The following KLHL26 variants were observed in gnomAD, a reference collection of about 807,000 sequenced individuals.
KLHL26 encodes kelch-like protein 26.
In KLHL26, 4 loss-of-function variants were observed where a neutral mutation model predicts 7.1. The observed-to-expected ratio is 0.56, with a 90% CI of 0.28 to 1.28. The LOEUF (loss-of-function observed/expected upper bound fraction) is 1.28. Among genes scored for constraint, KLHL26 ranks in the 50% most tolerant of loss-of-function variants. The pLI, the probability that KLHL26 is intolerant of heterozygous loss-of-function variation, is 0.11. For synonymous variants in KLHL26, 465 were observed against 414.1 expected, an observed-to-expected ratio of 1.12 and a Z score of -1.49; for missense variants, 896 against 924.6, an observed-to-expected ratio of 0.97 and a Z score of 0.40.
chr19:18,650,699 C>T lies in KLHL26; in HGVS notation c.83+13562C>T, dbSNP rs1180355129. On this transcript the variant is annotated intron_variant, in intron 1 of 2. Transcript: ENST00000300976. This position sits in a 1 kb window ranked among gnomAD's most constrained non-coding sequence, Gnocchi z 4.2. ...CCCTTTGCCGTTCCAGCCTCAGTCA[C>T]GCCTCCAGTCTGTTAGCATTTAGAG... Among the ~76,000 whole-genome samples the T allele has an allele frequency of 1.3e-5, 2 of 152,224 alleles. No individual in the cohort carries two copies. Among genetic ancestry groups the T allele is most frequent in the African/African-American group, 2.4e-5 (1 of 41,454 alleles).
chr19:18,652,582 T>A (rs1600693474), intron 1 of KLHL26, among the ~76,000 whole-genome samples: 2 of 81,248 alleles, frequency 2.5e-5, no homozygotes, highest in Admixed American at 3.2e-4. Context: ...AGAGCCAGAC[T>A]CCATCTCAAA....
Position 18,646,874 on chromosome 19 carries a change from C to T in KLHL26, c.83+9737C>T, listed in dbSNP as rs184355959. 3.9e-5 allele frequency among the ~76,000 whole-genome samples: 6 copies of T among 151,930 alleles called. No homozygotes were observed. Among genetic ancestry groups the T allele is most frequent in the South Asian group, 2.1e-4 (1 of 4,818 alleles). ...GTAAGAGGGACAGCAGCAGGGGCAG[C>T]GAGAGAGTAGAGCACGTCCAGCGTG... On this transcript the variant is annotated intron_variant, in intron 1 of 2. Transcript: ENST00000300976. This position sits in a 1 kb window ranked among gnomAD's most constrained non-coding sequence, Gnocchi z 5.0.
intron 2 of KLHL26, among the ~76,000 whole-genome samples, chr19:18,665,812 G>A (rs932793418): frequency 2.0e-5 from 3 of 152,268 alleles, no homozygotes; most frequent in East Asian, 1.9e-4. Context: ...TGGTGACCCC[G>A]CCAGAGAGAG....
chr19:18,653,080 G>C (rs1478431063), intron 1 of KLHL26, among the ~76,000 whole-genome samples: 1 of 152,062 alleles, frequency 6.6e-6, no homozygotes, highest in East Asian at 1.9e-4. Context: ...TCATCACCAT[G>C]ATGCAGATGG....
At position 18,640,495 on chromosome 19, in the gene KLHL26, T is replaced by A. The variant is rs11085236; in HGVS notation, c.83+3358T>A. The stretch of plus-strand genomic sequence containing the variant: ...AGGGCTCAAGCAATCTTCCCACCTC[T>A]GCCTCCCAAAGTGCTGGGATTACAG... On this transcript the variant is annotated intron_variant, in intron 1 of 2. Coordinates refer to ENST00000300976, the MANE Select transcript of KLHL26 (RefSeq NM_018316.3). Among the ~76,000 whole-genome samples, 103 of 150,838 alleles carry A rather than the reference T, an allele frequency of 6.8e-4. 6 individuals are homozygous for A. The highest frequency in any genetic ancestry group is 2.9e-5 in the Non-Finnish European group (2 of 67,904).
Position 18,643,489 on chromosome 19 carries a change from T to A in KLHL26, c.83+6352T>A, listed in dbSNP as rs187809736. On this transcript the variant is annotated intron_variant, in intron 1 of 2. Transcript: ENST00000300976. ...ATAGAGATGGGGTCTTATTATTATT[T>A]TTTTTTGAGATAGAGTTTTGCTCTT... Among the ~76,000 whole-genome samples the A allele has an allele frequency of 1.5e-3, 229 of 152,078 alleles. 2 individuals are homozygous for A. The highest frequency in any genetic ancestry group is 2.4e-3 in the Admixed American group (36 of 15,262).
Position 18,637,094 on chromosome 19 carries a change from G to A in KLHL26, c.40G>A (p.Gly14Ser). 1 of 1,384,030 alleles carries A rather than the reference G, an allele frequency of 7.2e-7. No individual in the cohort carries two copies. The allele number at this position is 1,384,030 out of a possible 1,614,324, so 85.7% of individuals were successfully genotyped here. ...SGGSSGGAGG[G>S]GAFGAGPGPE... Reference sequence around the variant, plus strand: ...CGGTAGCAGCGGTGGTGCTGGTGGCGGCGGCGCTTTCGGCGCGGGCCCGGG... The same window carrying A: ...CGGTAGCAGCGGTGGTGCTGGTGGCAGCGGCGCTTTCGGCGCGGGCCCGGG... The change falls in exon 1 of 3, where the codon GGC becomes AGC. Residue 14 changes from glycine to serine, a missense_variant. Coordinates refer to ENST00000300976, the MANE Select transcript of KLHL26 (RefSeq NM_018316.3).
At position 18,668,791 on chromosome 19, in the gene KLHL26, C is replaced by T. The variant is rs371545654; in HGVS notation, c.1394C>T (p.Ser465Leu). The T allele has an allele frequency of 2.5e-6, 4 of 1,595,768 alleles. No individual in the cohort carries two copies. The highest frequency in any genetic ancestry group is 1.3e-5 in the African/African-American group (1 of 74,966). The change falls in exon 3 of 3, where the codon TCG becomes TTG. Residue 465 changes from serine (S) to leucine (L), a missense_variant. Physicochemically the swap from Ser to Leu is moderately radical, Grantham distance 145. Coordinates refer to ENST00000300976, the MANE Select transcript of KLHL26 (RefSeq NM_018316.3). ...GCCTCAGGGGGCCGCCTCTACATCT[C>T]GGGTGGCTACGGGATCTCAGTGGAG... The part of the protein sequence containing the change: ...GAASGGRLYI[S>L]GGYGISVEDK...
rs1489610884 is a variant in KLHL26, at chr19:18,671,626, TC to T, written c.*2384del. On this transcript the variant is annotated 3_prime_UTR_variant, in exon 3 of 3. Coordinates refer to ENST00000300976, the MANE Select transcript of KLHL26 (RefSeq NM_018316.3). ...GAATGTTCGTGGGGCCCCCTGCCCC[TC>T]CCTCAGCCTCCCCCCGCATCCCCCC... is the stretch of plus-strand genomic sequence containing the variant. 6.9e-6 allele frequency: 1 copy of T among 145,880 alleles called. No individual in the cohort carries two copies. The highest frequency in any genetic ancestry group is 1.5e-5 in the Non-Finnish European group (1 of 66,456). 9.0% of individuals were successfully genotyped at this position (145,880 alleles called of 1,614,324 possible). A position where few individuals can be genotyped will look rare whatever the true frequency, so the allele number is the denominator to read the frequency against.
rs996358026 is a variant in KLHL26, at chr19:18,650,830, C to T, written c.84-13431C>T. On this transcript the variant is annotated intron_variant, in intron 1 of 2. Coordinates refer to ENST00000300976, the MANE Select transcript of KLHL26 (RefSeq NM_018316.3). This position sits in a 1 kb window ranked among gnomAD's most constrained non-coding sequence, Gnocchi z 4.2. The stretch of plus-strand genomic sequence containing the variant: ...TCTGTCTCGTCACAGACAGGCGGGG[C>T]TGCGGCTGGGGATGGCCGCCGCCCA... Among the ~76,000 whole-genome samples the T allele has an allele frequency of 6.6e-5, 10 of 152,008 alleles. No individual in the cohort carries two copies. Among genetic ancestry groups the T allele is most frequent in the African/African-American group, 2.4e-4 (10 of 41,428 alleles).
intron 1 of KLHL26, among the ~76,000 whole-genome samples, chr19:18,647,583 GGGAGGAGGAGGAAGA>G (rs1317450646): frequency 6.6e-6 from 1 of 150,906 alleles, no homozygotes; most frequent in African/African-American, 2.4e-5. Flanking sequence ...GGAGATGAGA[GGGAGGAGGAGGAAGA>G]GGAGGAGGAG....
At chr19:18,663,889 G>A (rs1046854689) in intron 1 of KLHL26, among the ~76,000 whole-genome samples, 1 of 152,108 alleles carries the variant, frequency 6.6e-6, no homozygotes, top group Non-Finnish European at 1.5e-5. Context: ...AGGCTCCCGT[G>A]TGTCCTTTGG....
At chr19:18,664,161 C>T (rs1003624380) in intron 1 of KLHL26, 100 bp from the exon 2 acceptor site, 16 of 1,105,040 alleles carry the variant, frequency 1.4e-5, no homozygotes, top group South Asian at 3.3e-5. Flanking sequence ...ATACACAGTG[C>T]GGCCTTTTGT....
chr19:18,657,703 A>G (rs1031981830), intron 1 of KLHL26, among the ~76,000 whole-genome samples: 1 of 152,036 alleles, frequency 6.6e-6, no homozygotes, highest in Non-Finnish European at 1.5e-5. Flanking sequence ...AGAAGCCATT[A>G]TCTTTCCTCC....
At chr19:18,655,331 T>G (rs1190353462) in intron 1 of KLHL26, among the ~76,000 whole-genome samples, 1 of 152,200 alleles carries the variant, frequency 6.6e-6, no homozygotes, top group African/African-American at 2.4e-5. Context: ...CTCAGCCCTC[T>G]GAGCCTCAGT....
At position 18,669,263 on chromosome 19, in the gene KLHL26, A is replaced by C. The variant is rs1331170427; in HGVS notation, c.*18A>C. The C allele has an allele frequency of 6.3e-7, 1 of 1,588,976 alleles. No homozygotes were observed. Among genetic ancestry groups the C allele is most frequent in the East Asian group, 2.2e-5 (1 of 44,782 alleles). ...GGAGGTAGCCCCCAAGACCCCCGGG[A>C]CCCTGGCCTGACCGCATGTTGTCTC... On this transcript the variant is annotated 3_prime_UTR_variant, in exon 3 of 3. Coordinates refer to ENST00000300976, the MANE Select transcript of KLHL26 (RefSeq NM_018316.3).
chr19:18,645,741 G>A (rs1427237597), intron 1 of KLHL26, among the ~76,000 whole-genome samples: 1 of 151,742 alleles, frequency 6.6e-6, no homozygotes, highest in African/African-American at 2.4e-5. Context: ...GAACCTGGGA[G>A]GAGGAGGTTG....
chr19:18,665,797 C>G (rs979465759), intron 2 of KLHL26, among the ~76,000 whole-genome samples: 56 of 152,200 alleles, frequency 3.7e-4, no homozygotes, highest in African/African-American at 1.3e-3. Context: ...CTCCTTCCTG[C>G]CAGGTGGTGA....
Position 18,669,456 on chromosome 19 carries a change from G to A in KLHL26, c.*211G>A, listed in dbSNP as rs1010601607. ...GCGAGTCCATCCGAGGGAGCCTGCC[G>A]GCAAAGCGTCTGACATGTGGTGGCA... On this transcript the variant is annotated 3_prime_UTR_variant, in exon 3 of 3. Coordinates refer to ENST00000300976, the MANE Select transcript of KLHL26 (RefSeq NM_018316.3). 1.9e-5 allele frequency: 11 copies of A among 585,976 alleles called. No homozygotes were observed. The highest frequency in any genetic ancestry group is 2.9e-5 in the East Asian group (1 of 34,792). 36.3% of individuals were successfully genotyped at this position (585,976 alleles called of 1,614,324 possible).
Sources: allele counts gnomAD v4.1 joint callset (sites outside exome capture counted in the v4.1 genomes callset), GRCh38; gene constraint gnomAD v4.1.1; non-coding constraint Gnocchi (gnomAD v3.1); transcripts MANE v1.5; gene names NCBI Gene and HGNC (gene_info 2026-07-23, HGNC 2026-07-21).